CC2D2A: variants seen among roughly 807,000 people sequenced by gnomAD.
CC2D2A encodes the protein coiled-coil and C2 domain containing 2A.
CC2D2A carries 155 observed loss-of-function variants against 212.9 expected under a neutral mutation model. The observed-to-expected ratio is 0.73, with a 90% CI of 0.64 to 0.83. The LOEUF (loss-of-function observed/expected upper bound fraction) is 0.83. Among genes scored for constraint, CC2D2A ranks in the 40% least tolerant of loss-of-function variants. The pLI is 0.00. For missense variants in CC2D2A, 1,856 were observed against 1,956.2 expected, an observed-to-expected ratio of 0.95 and a Z score of 0.97; for synonymous variants, 667 against 686.5, an observed-to-expected ratio of 0.97 and a Z score of 0.44.
At chr4:15,597,487 C>A in intron 35 of CC2D2A, 22 bp downstream of exon 35, 1 of 1,537,880 alleles carries the variant, frequency 6.5e-7, no homozygotes, top group Non-Finnish European at 8.8e-7. Flanking sequence ...TCCATAAATC[C>A]ACATGTAATC....
At chr4:15,525,475 A>C (rs4698394) in intron 11 of CC2D2A, among the ~76,000 whole-genome samples, 76,544 of 139,920 alleles carry the variant, frequency 0.55, 19,508 homozygotes, top group Admixed American at 0.62. Flanking sequence ...TTAAAAACTA[A>C]TAATACTAAT....
At chr4:15,494,373 G>A (rs950815782) in intron 4 of CC2D2A, among the ~76,000 whole-genome samples, 1 of 152,142 alleles carries the variant, frequency 6.6e-6, no homozygotes, top group Non-Finnish European at 1.5e-5. Context: ...AATGCTAGTG[G>A]GACTCGGAAA....
intron 9 of CC2D2A, among the ~76,000 whole-genome samples, chr4:15,515,119 A>G (rs1716788166): frequency 6.6e-6 from 1 of 152,242 alleles, no homozygotes; most frequent in African/African-American, 2.4e-5. Flanking sequence ...TCAGTGATCC[A>G]TTACAGGGGC....
chr4:15,556,598 A>G (rs1042978862), intron 20 of CC2D2A, among the ~76,000 whole-genome samples: 1 of 152,190 alleles, frequency 6.6e-6, no homozygotes, highest in Non-Finnish European at 1.5e-5. Context: ...TGCCTTTCCC[A>G]TGCAAGGCCC....
chr4:15,508,075 A>C (rs1426426259), intron 6 of CC2D2A, among the ~76,000 whole-genome samples: 2 of 152,152 alleles, frequency 1.3e-5, no homozygotes, highest in African/African-American at 2.4e-5. Context: ...AAAGCACCAT[A>C]TTTTGGGCCA....
chr4:15,529,463 A>G (rs1016885469), intron 13 of CC2D2A, among the ~76,000 whole-genome samples: 1 of 152,170 alleles, frequency 6.6e-6, no homozygotes, highest in Non-Finnish European at 1.5e-5. Flanking sequence ...CTTACAGTGA[A>G]TTTCTGTACC....
In CC2D2A at chr4:15,587,840, G is replaced by A. The variant is rs768130176; in HGVS notation, c.4090G>A (p.Asp1364Asn). 2 of 1,612,450 alleles carry A rather than the reference G, an allele frequency of 1.2e-6. No individual in the cohort carries two copies. The highest frequency in any genetic ancestry group is 1.3e-5 in the African/African-American group (1 of 74,876). ...GCAATTTCTTGATCTCCTGGCAGGG[G>A]ATGAAGAAGAACATGCAGTACTATT... ...SDQFLDLLAG[D>N]EEEHAVLLCN... Residue 1364 changes from aspartate (D) to asparagine (N), a missense_variant, in exon 32 of 37, where the codon GAT becomes AAT. Around this residue, in one of 5 missense-constraint regions of CC2D2A, gnomAD observed 36 missense variants for 35.5 expected, o/e 1.02. Transcript: ENST00000424120.
intron 4 of CC2D2A, among the ~76,000 whole-genome samples, chr4:15,484,741 A>G (rs1714902450): frequency 6.6e-6 from 1 of 152,194 alleles, no homozygotes; most frequent in African/African-American, 2.4e-5. Context: ...GTTTCAGAGA[A>G]GGAAAAGATG....
rs377677651 is a variant in CC2D2A at position 15,555,243 on chromosome 4, G to T, written c.2625+33G>T. 1.9e-5 allele frequency: 30 copies of T among 1,604,058 alleles called. No homozygotes were observed. In the African/African-American group the frequency reaches 3.9e-4, roughly 21 times the overall value. Reference sequence around the variant, plus strand: ...GCAGGAGGCACACATGCCATTTCTTGACTTGGCCTTTTACACAATTTTCCT... The same window carrying T: ...GCAGGAGGCACACATGCCATTTCTTTACTTGGCCTTTTACACAATTTTCCT... On this transcript the variant is annotated intron_variant, in intron 20 of 36. Transcript: ENST00000424120.
At chr4:15,585,448 A>G (rs1720821535) in intron 30 of CC2D2A, among the ~76,000 whole-genome samples, 1 of 152,182 alleles carries the variant, frequency 6.6e-6, no homozygotes, top group South Asian at 2.1e-4. Context: ...TTTATCTCAA[A>G]GTAGAGAGTA....
At chr4:15,547,865 C>A (rs1718791278) in intron 17 of CC2D2A, among the ~76,000 whole-genome samples, 1 of 151,844 alleles carries the variant, frequency 6.6e-6, no homozygotes, top group South Asian at 2.1e-4. Context: ...CATGCAGAAA[C>A]CCCGTCTCTA....
intron 30 of CC2D2A, 40 bp from the exon 31 acceptor site, chr4:15,586,117 A>G: frequency 7.1e-7 from 1 of 1,402,572 alleles, no homozygotes; most frequent in Non-Finnish European, 1.0e-6. Flanking sequence ...ATTCTGTTTT[A>G]TTATAAATTA....
chr4:15,542,369 C>T (rs1374567114), intron 17 of CC2D2A, among the ~76,000 whole-genome samples: 1 of 152,066 alleles, frequency 6.6e-6, no homozygotes, highest in Non-Finnish European at 1.5e-5. Flanking sequence ...GCATGCATGC[C>T]CTTGTTTCCC....
At chr4:15,593,595 C>T (rs754522319) in intron 33 of CC2D2A, among the ~76,000 whole-genome samples, 1 of 152,106 alleles carries the variant, frequency 6.6e-6, no homozygotes. Context: ...CTTAAGATGC[C>T]CAAACTCCTG....
In CC2D2A at chr4:15,599,706, G is replaced by A; in HGVS notation, c.4674G>A (p.Arg1558=). 1 of 1,598,384 alleles carries A rather than the reference G, an allele frequency of 6.3e-7. No homozygotes were observed. Among genetic ancestry groups the A allele is most frequent in the Non-Finnish European group, 8.6e-7 (1 of 1,168,610 alleles). The change falls in exon 36 of 37, where the codon AGG becomes AGA. Residue 1558 remains arginine, a splice_region_variant and synonymous_variant. Transcript: ENST00000424120. ...AELLKQLGDY[R]FSGFPLHMPY... is the part of the protein sequence containing the mutation. ...TGCTAAAACAGCTGGGAGACTACAGGGTAAGTTACAAATGGATCCTAAACT... is the reference window on the plus strand; with the variant it reads ...TGCTAAAACAGCTGGGAGACTACAGAGTAAGTTACAAATGGATCCTAAACT...
chr4:15,599,830 C>A, intron 36 of CC2D2A, 124 bp downstream of exon 36: 2 of 610,508 alleles, frequency 3.3e-6, no homozygotes, highest in Non-Finnish European at 5.1e-6. Flanking sequence ...TTTAAAGCAG[C>A]ATAAACTAAA....
intron 21 of CC2D2A, 130 bp from the exon 22 acceptor site, chr4:15,559,035 G>A: frequency 1.5e-6 from 1 of 680,256 alleles, no homozygotes; most frequent in Non-Finnish European, 2.5e-6. Flanking sequence ...TGAACCAAAA[G>A]TTAGGAAGAA....
At chr4:15,564,386 C>A (rs1258471518) in intron 24 of CC2D2A, 1 of 152,016 alleles carries the variant, frequency 6.6e-6, no homozygotes, top group Admixed American at 6.6e-5. Context: ...TTTGGTAGTG[C>A]CCTTACCAGT....
At chr4:15,536,575 C>T (rs1263981274) in intron 14 of CC2D2A, among the ~76,000 whole-genome samples, 1 of 152,014 alleles carries the variant, frequency 6.6e-6, no homozygotes, top group Non-Finnish European at 1.5e-5. Flanking sequence ...AAATTTCCAC[C>T]ACTATCAGCT....
Sources: gnomAD v4.1 joint callset for allele counts (sites outside exome capture counted in the v4.1 genomes callset) on GRCh38, gnomAD v4.1.1 for gene constraint, gnomAD v4.1.1 regional missense constraint, MANE v1.5 for transcripts, NCBI Gene and HGNC (gene_info 2026-07-23, HGNC 2026-07-21) for gene names.